Variants in MSRA observed in about 807,000 individuals in gnomAD.
MSRA encodes mitochondrial peptide methionine sulfoxide reductase.
Under a neutral mutation model 31.3 loss-of-function variants are expected in MSRA, and 54 were observed. That is an observed-to-expected ratio of 1.73 (90% CI 1.39 to 2.17). The LOEUF is 2.17. Among genes scored for constraint, MSRA ranks in the 30% most tolerant of loss-of-function variants. The pLI, the probability that MSRA is intolerant of heterozygous loss-of-function variation, is 0.00. For synonymous variants in MSRA, 169 were observed against 116.5 expected (o/e 1.45, Z -2.90); for missense variants, 507 against 300.9 (o/e 1.69, Z -5.07).
chr8:10,290,889 TATC>T (rs1800196937), intron 3 of MSRA, among the ~76,000 whole-genome samples: 1 of 152,298 alleles, frequency 6.6e-6, no homozygotes, highest in African/African-American at 2.4e-5. Flanking sequence ...GCCCATATCT[TATC>T]ATCCCTGCCT....
At chr8:10,296,259 TAAG>T (rs1800535965) in intron 3 of MSRA, among the ~76,000 whole-genome samples, 1 of 152,218 alleles carries the variant, frequency 6.6e-6, no homozygotes, top group African/African-American at 2.4e-5. Context: ...TTCAGTTTGA[TAAG>T]AAGGAGGCGT....
intron 5 of MSRA, among the ~76,000 whole-genome samples, chr8:10,348,275 C>T (rs569478711): frequency 2.6e-5 from 4 of 151,488 alleles, no homozygotes; most frequent in South Asian, 4.2e-4. Flanking sequence ...GGGCCTTCTC[C>T]GCGGAGATTT....
intron 5 of MSRA, among the ~76,000 whole-genome samples, chr8:10,387,682 C>T (rs1286838418): frequency 1.3e-5 from 2 of 152,148 alleles, no homozygotes; most frequent in African/African-American, 2.4e-5. Flanking sequence ...AGTAATGTCT[C>T]GGAGCTGCTC....
chr8:10,386,764 A>C (rs1806417319), intron 5 of MSRA, among the ~76,000 whole-genome samples: 1 of 151,996 alleles, frequency 6.6e-6, no homozygotes, highest in Non-Finnish European at 1.5e-5. Context: ...TACTTCTAAA[A>C]ATGAGGGATG....
At chr8:10,223,978 C>G (rs1398580436) in intron 2 of MSRA, among the ~76,000 whole-genome samples, 1 of 152,202 alleles carries the variant, frequency 6.6e-6, no homozygotes, top group East Asian at 1.9e-4. Context: ...AATCCCAGCT[C>G]TACCTAATCT....
Position 10,119,774 on chromosome 8 carries a change from G to C in MSRA, c.142+65116G>C, listed in dbSNP as rs866460713. 2.6e-5 allele frequency among the ~76,000 whole-genome samples: 4 copies of C among 152,256 alleles called. 1 individual carries two copies. The Middle Eastern group carries it at 0.014, about 518-fold the overall frequency. On this transcript the variant is annotated intron_variant, in intron 1 of 5. Transcript: ENST00000317173. ...GTAGAGTACTGAGAACAATGCTGGGGTTATCTCTCTGGTGTACAAAGGGAC... is the reference window on the plus strand; with the variant it reads ...GTAGAGTACTGAGAACAATGCTGGGCTTATCTCTCTGGTGTACAAAGGGAC...
chr8:10,189,084 T>C (rs1015915708), intron 1 of MSRA, among the ~76,000 whole-genome samples: 1 of 152,192 alleles, frequency 6.6e-6, no homozygotes, highest in Non-Finnish European at 1.5e-5. Context: ...TACTGACATT[T>C]TATTAAAAAT....
intron 2 of MSRA, among the ~76,000 whole-genome samples, chr8:10,233,401 G>C (rs562015757): frequency 6.6e-6 from 1 of 152,202 alleles, no homozygotes; most frequent in African/African-American, 2.4e-5. Flanking sequence ...AAATTGACTC[G>C]AGTTAATTTT....
intron 2 of MSRA, among the ~76,000 whole-genome samples, chr8:10,225,427 T>G (rs1057273269): frequency 6.6e-6 from 1 of 152,246 alleles, no homozygotes; most frequent in African/African-American, 2.4e-5. Context: ...CTTGGATTAC[T>G]TGGGGCCTAG....
rs188372480 is a variant in MSRA at position 10,141,468 on chromosome 8, T to C, written c.143-66365T>C. Among the ~76,000 whole-genome samples the C allele has an allele frequency of 1.8e-3, 267 of 152,288 alleles. 1 individual carries two copies. Among genetic ancestry groups the C allele is most frequent in the African/African-American group, 6.3e-3 (263 of 41,566 alleles). On this transcript the variant is annotated intron_variant, in intron 1 of 5. Transcript: ENST00000317173. The stretch of plus-strand genomic sequence containing the variant: ...ATTGTCACCCACACAGGCCCAGCCA[T>C]CTCCCCTCCTGCTTCATCTAACCAC...
intron 1 of MSRA, among the ~76,000 whole-genome samples, chr8:10,115,751 C>G (rs929587230): frequency 1.3e-5 from 2 of 152,120 alleles, no homozygotes; most frequent in African/African-American, 2.4e-5. Flanking sequence ...ACACTGGTCC[C>G]GCAGGGCAAG....
At chr8:10,059,538 G>GT (rs1231561568) in intron 1 of MSRA, among the ~76,000 whole-genome samples, 1 of 152,178 alleles carries the variant, frequency 6.6e-6, no homozygotes, top group Non-Finnish European at 1.5e-5. Flanking sequence ...AGAACAGAAT[G>GT]TTTTTATAAT....
chr8:10,162,208 ATTTATT>A (rs1468176606), intron 1 of MSRA, among the ~76,000 whole-genome samples: 1 of 152,100 alleles, frequency 6.6e-6, no homozygotes, highest in African/African-American at 2.4e-5. Context: ...CAAGGCTCTT[ATTTATT>A]TTTATTTTGG....
At chr8:10,125,377 A>C (rs777016072) in intron 1 of MSRA, among the ~76,000 whole-genome samples, 1 of 152,124 alleles carries the variant, frequency 6.6e-6, no homozygotes, top group Non-Finnish European at 1.5e-5. Context: ...CACAGGCTTG[A>C]CCCAAGCCTG....
At chr8:10,239,348 G>C (rs1015114591) in intron 2 of MSRA, among the ~76,000 whole-genome samples, 1 of 152,174 alleles carries the variant, frequency 6.6e-6, no homozygotes, top group East Asian at 1.9e-4. Context: ...TTTTAGGAGA[G>C]ACGGGGTTTC....
chr8:10,371,574 C>T lies in MSRA; in HGVS notation c.543+51585C>T, dbSNP rs76076161. On this transcript the variant is annotated intron_variant, in intron 5 of 5. Coordinates refer to ENST00000317173, the MANE Select transcript of MSRA (RefSeq NM_012331.5). ...TTAGGAAGGAAGAAGAGACATTGGT[C>T]ATCAAGCAGAGACAGTGTTTGGATC... Among the ~76,000 whole-genome samples, 1,090 of 152,244 alleles carry T rather than the reference C, an allele frequency of 7.2e-3. 10 individuals carry two copies. The highest frequency in any genetic ancestry group is 0.024 in the African/African-American group (1,002 of 41,532).
At chr8:10,354,766 A>G (rs1232007356) in intron 5 of MSRA, among the ~76,000 whole-genome samples, 3 of 148,478 alleles carry the variant, frequency 2.0e-5, no homozygotes, top group African/African-American at 7.4e-5. Context: ...ATATATATAT[A>G]TATATATATA....
intron 3 of MSRA, among the ~76,000 whole-genome samples, chr8:10,293,162 G>T (rs1397493143): frequency 4.6e-5 from 7 of 152,170 alleles, no homozygotes; most frequent in African/African-American, 1.7e-4. Context: ...TAGAGGCTTT[G>T]CAGGGCACAG....
At chr8:10,146,214 T>A (rs560790159) in intron 1 of MSRA, among the ~76,000 whole-genome samples, 1 of 152,254 alleles carries the variant, frequency 6.6e-6, no homozygotes, top group East Asian at 1.9e-4. Context: ...TGCTTTGGGT[T>A]TTTTTTCCCC....
Sources: gnomAD v4.1 joint callset for allele counts (sites outside exome capture counted in the v4.1 genomes callset) on GRCh38, gnomAD v4.1.1 for gene constraint, MANE v1.5 for transcripts, NCBI Gene and HGNC (gene_info 2026-07-23, HGNC 2026-07-21) for gene names.